Variants in MAGI1 observed in about 807,000 individuals in gnomAD.
MAGI1 encodes membrane-associated guanylate kinase, WW and PDZ domain-containing protein 1.
A neutral mutation model predicts 139.9 loss-of-function variants in MAGI1; 58 were observed. That is an observed-to-expected ratio of 0.41 (90% CI 0.34 to 0.52). The LOEUF (loss-of-function observed/expected upper bound fraction) is 0.52. Ranked by LOEUF, MAGI1 falls within the 20% of genes least tolerant of loss-of-function variation. The pLI is 0.12. For missense variants in MAGI1, 1,874 were observed against 1,901.6 expected, an observed-to-expected ratio of 0.99 and a Z score of 0.27; for synonymous variants, 812 against 737.9, an observed-to-expected ratio of 1.10 and a Z score of -1.63.
intron 1 of MAGI1, among the ~76,000 whole-genome samples, chr3:65,665,675 T>A (rs1360625102): frequency 6.6e-6 from 1 of 152,162 alleles, no homozygotes; most frequent in African/African-American, 2.4e-5. Flanking sequence ...GGTGACCTTA[T>A]ACAACATAAC....
intron 3 of MAGI1, among the ~76,000 whole-genome samples, chr3:65,479,379 C>T (rs1951104341): frequency 6.6e-6 from 1 of 152,152 alleles, no homozygotes; most frequent in Admixed American, 6.5e-5. Flanking sequence ...ACAGAAAACC[C>T]TGTGTCAATG....
intron 12 of MAGI1, among the ~76,000 whole-genome samples, chr3:65,425,844 G>C (rs140330838): frequency 1.9e-3 from 289 of 152,220 alleles, no homozygotes; most frequent in African/African-American, 6.6e-3. Flanking sequence ...CTATCTACAT[G>C]AGCCTTTTTT....
intron 5 of MAGI1, among the ~76,000 whole-genome samples, chr3:65,457,585 A>C (rs6796247): frequency 0.55 from 84,115 of 151,948 alleles, 24,499 homozygotes; most frequent in East Asian, 0.95. Context: ...AGCAACCTTA[A>C]ATTATATTTT....
At chr3:65,955,359 T>A (rs566361844) in intron 1 of MAGI1, among the ~76,000 whole-genome samples, 1 of 152,214 alleles carries the variant, frequency 6.6e-6, no homozygotes, top group African/African-American at 2.4e-5. Flanking sequence ...TAAACGTAAT[T>A]AATTGCAAAT....
chr3:65,983,619 A>C (rs1346856870), intron 1 of MAGI1, among the ~76,000 whole-genome samples: 1 of 152,192 alleles, frequency 6.6e-6, no homozygotes. Context: ...GTTTGATAGC[A>C]GTCTTTTAAA....
chr3:65,860,560 C>T lies in MAGI1; in HGVS notation c.313+177436G>A, dbSNP rs143463744. Among the ~76,000 whole-genome samples, 443 of 152,270 alleles carry T rather than the reference C, an allele frequency of 2.9e-3. 3 individuals carry two copies. Among genetic ancestry groups the T allele is most frequent in the African/African-American group, 0.01 (430 of 41,550 alleles). On this transcript the variant is annotated intron_variant, in intron 1 of 22. Transcript: ENST00000402939. ...AAGAGGAACAGGTCCTCGGAGTGTG[C>T]TGCAGGGATCTCTAACAGGAGCCAT...
intron 1 of MAGI1, among the ~76,000 whole-genome samples, chr3:65,697,199 C>T (rs1302358811): frequency 6.6e-6 from 1 of 151,968 alleles, no homozygotes; most frequent in Non-Finnish European, 1.5e-5. Flanking sequence ...CTGAATAGAC[C>T]AATAACAGGA....
intron 1 of MAGI1, among the ~76,000 whole-genome samples, chr3:65,845,735 C>T (rs1199135121): frequency 6.6e-6 from 1 of 152,196 alleles, no homozygotes; most frequent in African/African-American, 2.4e-5. Flanking sequence ...TTAGCTCTTC[C>T]TCCCCATCTG....
chr3:65,813,047 A>G (rs1480891416), intron 1 of MAGI1, among the ~76,000 whole-genome samples: 1 of 152,054 alleles, frequency 6.6e-6, no homozygotes, highest in Admixed American at 6.6e-5. Flanking sequence ...AAAAAAGTCA[A>G]TTTCTTTTTT....
chr3:65,667,366 G>A (rs1014666608), intron 1 of MAGI1, among the ~76,000 whole-genome samples: 2 of 152,100 alleles, frequency 1.3e-5, no homozygotes, highest in African/African-American at 2.4e-5. Flanking sequence ...CACGGTGGCC[G>A]ATTCCTGGGA....
At chr3:65,394,754 T>C (rs1025783828) in intron 13 of MAGI1, among the ~76,000 whole-genome samples, 1 of 152,108 alleles carries the variant, frequency 6.6e-6, no homozygotes, top group Admixed American at 6.5e-5. Context: ...AGCCCAGAAC[T>C]GTCCAGGAGA....
At chr3:65,632,607 C>A (rs1202447046) in intron 1 of MAGI1, among the ~76,000 whole-genome samples, 1 of 152,144 alleles carries the variant, frequency 6.6e-6, no homozygotes, top group Non-Finnish European at 1.5e-5. Flanking sequence ...CAGGGGTCAG[C>A]AAAATATTTC....
chr3:65,470,113 T>A (rs1534092), intron 5 of MAGI1, 170 bp downstream of exon 5: 338,294 of 556,714 alleles, frequency 0.61, 107,446 homozygotes, highest in East Asian at 0.97. Context: ...ATCGATAAGT[T>A]GGTAATAATT....
intron 1 of MAGI1, among the ~76,000 whole-genome samples, chr3:65,726,148 A>G (rs1466182096): frequency 6.6e-6 from 1 of 152,208 alleles, no homozygotes; most frequent in African/African-American, 2.4e-5. Flanking sequence ...TAAAGAAGCT[A>G]TACAGTATAA....
intron 1 of MAGI1, among the ~76,000 whole-genome samples, chr3:65,669,333 T>C (rs539731180): frequency 7.4e-4 from 112 of 152,298 alleles, no homozygotes; most frequent in African/African-American, 2.6e-3. Context: ...GCAAAATTGC[T>C]CTTGTTTGAT....
At chr3:65,964,399 A>G (rs1329371140) in intron 1 of MAGI1, among the ~76,000 whole-genome samples, 1 of 152,178 alleles carries the variant, frequency 6.6e-6, no homozygotes, top group Non-Finnish European at 1.5e-5. Flanking sequence ...AGGGACTTAT[A>G]TCTGTGGGTC....
intron 2 of MAGI1, among the ~76,000 whole-genome samples, chr3:65,497,183 G>A (rs945694307): frequency 1.3e-5 from 2 of 152,122 alleles, no homozygotes; most frequent in African/African-American, 4.8e-5. Context: ...CAGTTGATTA[G>A]TAAACCAATG....
intron 1 of MAGI1, among the ~76,000 whole-genome samples, chr3:65,789,701 C>G (rs1018197418): frequency 2.6e-5 from 4 of 152,180 alleles, no homozygotes. Flanking sequence ...TAGCCGGGAT[C>G]TCCCTCGCCC....
intron 22 of MAGI1, chr3:65,359,134 A>T: frequency 6.2e-7 from 1 of 1,614,046 alleles, no homozygotes. Flanking sequence ...ACATGCAGCG[A>T]TATTAGGAGG....
Sources: allele counts gnomAD v4.1 joint callset (sites outside exome capture counted in the v4.1 genomes callset), GRCh38; gene constraint gnomAD v4.1.1; transcripts MANE v1.5; gene names NCBI Gene and HGNC (gene_info 2026-07-23, HGNC 2026-07-21).